The following TAC1 variants were observed in gnomAD, a reference collection of about 807,000 sequenced individuals.
TAC1 encodes protachykinin-1.
A neutral mutation model predicts 21.7 loss-of-function variants in TAC1; 12 were observed. That is an observed-to-expected ratio of 0.55 (90% confidence interval 0.35 to 0.89). TAC1 has a LOEUF of 0.89. TAC1 is among the 40% of genes least tolerant of loss of function. TAC1 has a pLI of 0.01. For missense variants in TAC1, 128 were observed against 151.4 expected, an observed-to-expected ratio of 0.85 and a Z score of 0.81; for synonymous variants, 52 against 52.0, an observed-to-expected ratio of 1.00 and a Z score of 0.00.
In TAC1 at chr7:97,733,773, A is replaced by T; in HGVS notation, c.174A>T (p.Arg58Ser). The T allele has an allele frequency of 6.2e-7, 1 of 1,613,990 alleles. No homozygotes were observed. The change falls in exon 3 of 7, where the codon AGA (arginine) becomes AGT (serine). Residue 58 changes from arginine to serine, a missense_variant. Arg to Ser is a moderately radical substitution (Grantham distance 110). Transcript: ENST00000319273. ...ATCTTCTGCAGAGAATCGCCCGGAG[A>T]CCCAAGCCTCAGCAGTTCTTTGGAT... ...FEHLLQRIAR[R>S]PKPQQFFGLM...
chr7:97,736,623 T>C (rs1472436946), intron 6 of TAC1, among the ~76,000 whole-genome samples: 3 of 152,116 alleles, frequency 2.0e-5, no homozygotes, highest in Admixed American at 2.0e-4. Context: ...GGGTTAGTGC[T>C]ATATTCTTTC....
intron 4 of TAC1, 103 bp from the exon 5 acceptor site, chr7:97,734,723 A>G: frequency 2.3e-6 from 2 of 886,152 alleles, no homozygotes. Context: ...ATATAGATAG[A>G]AAATGTTACA....
intron 5 of TAC1, 115 bp from the exon 6 acceptor site, chr7:97,736,184 G>T: frequency 1.3e-6 from 1 of 764,912 alleles, no homozygotes; most frequent in Non-Finnish European, 2.0e-6. Flanking sequence ...AAAACTTGAA[G>T]TAGATAGATA....
chr7:97,740,331 T>C lies in TAC1; in HGVS notation c.*411T>C, dbSNP rs1789681504. On this transcript the variant is annotated 3_prime_UTR_variant, in exon 7 of 7. Transcript: ENST00000319273. ...ACTGAGATTTTGGTATTACACTGTA[T>C]TTGTATCTCTGAAGCATGTTTCATG... The C allele has an allele frequency of 6.5e-6, 1 of 154,604 alleles. No individual in the cohort carries two copies. The highest frequency in any genetic ancestry group is 1.4e-5 in the Non-Finnish European group (1 of 69,552). 9.6% of individuals were successfully genotyped at this position (154,604 alleles called of 1,614,324 possible). A position where few individuals can be genotyped will look rare whatever the true frequency, so the allele number is the denominator to read the frequency against.
chr7:97,735,577 G>C lies in TAC1; in HGVS notation c.290-722G>C, dbSNP rs138697446. On this transcript the variant is annotated intron_variant, in intron 5 of 6. Transcript: ENST00000319273. ...CATGGATTTGGTTCATTGGGTGGCA[G>C]AGCAGGCCACATTAACGTAGCAGCT... Among the ~76,000 whole-genome samples the C allele has an allele frequency of 2.6e-3, 401 of 152,258 alleles. 2 individuals are homozygous for C. The South Asian group carries it at 0.03, about 11-fold the overall frequency.
At chr7:97,736,538 G>GTC (rs1789578378) in intron 6 of TAC1, among the ~76,000 whole-genome samples, 186 bp downstream of exon 6, 1 of 152,014 alleles carries the variant, frequency 6.6e-6, no homozygotes, top group African/African-American at 2.4e-5. Context: ...TACTACCACA[G>GTC]TATCTGTCTA....
chr7:97,732,992 A>ATACGGAG lies in TAC1; in HGVS notation c.123+257_123+258insTACGGAG. On this transcript the variant is annotated intron_variant, in intron 2 of 6. Coordinates refer to ENST00000319273, the MANE Select transcript of TAC1 (RefSeq NM_003182.3). The surrounding 1 kb of genome is among the most constrained non-coding windows in gnomAD (Gnocchi z 6.2). ...TGCAGTAGGGATGCCCTCCCGGATG[A>ATACGGAG]GCCCGAGATCCTCACAAGGCGGGAA... 1 of 380,062 alleles carries ATACGGAG rather than the reference A, an allele frequency of 2.6e-6. No homozygotes were observed. The highest frequency in any genetic ancestry group is 4.8e-6 in the Non-Finnish European group (1 of 209,798). The allele number at this position is 380,062 out of a possible 1,614,324, so 23.5% of individuals were successfully genotyped here.
intron 5 of TAC1, 151 bp downstream of exon 5, chr7:97,735,000 A>G: frequency 3.4e-6 from 2 of 596,476 alleles, no homozygotes; most frequent in South Asian, 5.3e-5. Context: ...TTCATATTAC[A>G]TCCAGAATAT....
At chr7:97,738,417 T>C (rs1789623451) in intron 6 of TAC1, among the ~76,000 whole-genome samples, 1 of 152,046 alleles carries the variant, frequency 6.6e-6, no homozygotes, top group South Asian at 2.1e-4. Flanking sequence ...TCACTGTCTG[T>C]CTTTAGTTGG....
rs1373923746 is a variant in TAC1 at position 97,732,158 on chromosome 7, C to T, written c.-47C>T. ...AGCGACCAGCGTGCGCTCGGAGGAA[C>T]CAGAGAAACTCAGCACCCCGCGGGA... is the stretch of plus-strand genomic sequence containing the variant. On this transcript the variant is annotated 5_prime_UTR_variant, in exon 1 of 7. Transcript: ENST00000319273. The surrounding 1 kb of genome is among the most constrained non-coding windows in gnomAD (Gnocchi z 6.2). 1 of 152,660 alleles carries T rather than the reference C, an allele frequency of 6.6e-6. No homozygotes were observed. The highest frequency in any genetic ancestry group is 1.9e-4 in the East Asian group (1 of 5,204). The allele number at this position is 152,660 out of a possible 1,614,324, so 9.5% of individuals were successfully genotyped here. A position where few individuals can be genotyped will look rare whatever the true frequency, so the allele number is the denominator to read the frequency against.
At position 97,732,981 on chromosome 7, in the gene TAC1, C is replaced by CACGG; in HGVS notation, c.123+246_123+247insACGG. On this transcript the variant is annotated intron_variant, in intron 2 of 6. Coordinates refer to ENST00000319273, the MANE Select transcript of TAC1 (RefSeq NM_003182.3). This position sits in a 1 kb window ranked among gnomAD's most constrained non-coding sequence, Gnocchi z 6.2. Reference sequence around the variant, plus strand: ...CAGGAACTCCCTGCAGTAGGGATGCCCTCCCGGATGAGCCCGAGATCCTCA... The same window carrying CACGG: ...CAGGAACTCCCTGCAGTAGGGATGCCACGGCTCCCGGATGAGCCCGAGATCCTCA... 2.5e-6 allele frequency: 1 copy of CACGG among 398,296 alleles called. No individual in the cohort carries two copies. Among genetic ancestry groups the CACGG allele is most frequent in the Non-Finnish European group, 4.5e-6 (1 of 222,974 alleles). The allele number at this position is 398,296 out of a possible 1,614,324, so 24.7% of individuals were successfully genotyped here.
Position 97,732,847 on chromosome 7 carries a change from A to T in TAC1, c.123+112A>T. The T allele has an allele frequency of 2.1e-6, 3 of 1,396,180 alleles. No homozygotes were observed. The highest frequency in any genetic ancestry group is 2.9e-6 in the Non-Finnish European group (3 of 1,036,736). The allele number at this position is 1,396,180 out of a possible 1,614,324, so 86.5% of individuals were successfully genotyped here. ...TGGCACGCACCGCCACCACGGAAAG[A>T]GGCAGCGGTTGCGTGCGAGAGGATG... is the stretch of plus-strand genomic sequence containing the variant. On this transcript the variant is annotated intron_variant, in intron 2 of 6. Coordinates refer to ENST00000319273, the MANE Select transcript of TAC1 (RefSeq NM_003182.3). This position sits in a 1 kb window ranked among gnomAD's most constrained non-coding sequence, Gnocchi z 6.2.
chr7:97,738,424 T>C (rs1377628297), intron 6 of TAC1, among the ~76,000 whole-genome samples: 1 of 152,060 alleles, frequency 6.6e-6, no homozygotes, highest in African/African-American at 2.4e-5. Context: ...CTGTCTTTAG[T>C]TGGTTTACAT....
chr7:97,734,260 A>G lies in TAC1; in HGVS notation c.233A>G (p.Glu78Gly), dbSNP rs1289818428. Reference sequence around the variant, plus strand: ...CGTCTCTTGTCAGATTCCTCAATTGAAAAACAAGTGGCCCTGTTAAAGGCT... The same window carrying G: ...CGTCTCTTGTCAGATTCCTCAATTGGAAAACAAGTGGCCCTGTTAAAGGCT... The part of the protein sequence containing the change: ...MGKRDADSSI[E>G]KQVALLKALY... The change falls in exon 4 of 7, where the codon GAA becomes GGA. Residue 78 changes from glutamate (E) to glycine (G), a missense_variant. Transcript: ENST00000319273. 5 of 1,613,890 alleles carry G rather than the reference A, an allele frequency of 3.1e-6. No individual in the cohort carries two copies. The African/African-American group carries it at 5.3e-5, about 17-fold the overall frequency.
Position 97,732,723 on chromosome 7 carries a change from C to T in TAC1, c.111C>T (p.Ser37=), listed in dbSNP as rs534052563. The change falls in exon 2 of 7, where the codon AGC becomes AGT. Residue 37 remains serine, a synonymous_variant. Transcript: ENST00000319273. The surrounding 1 kb of genome is among the most constrained non-coding windows in gnomAD (Gnocchi z 6.2). ...DLNYWSDWYD[S]DQIKEELPEP... is the part of the protein sequence containing the mutation. ...ATTACTGGTCCGACTGGTACGACAGCGACCAGATCAAGGTGAGGCCCCTTC... is the reference window on the plus strand; with the variant it reads ...ATTACTGGTCCGACTGGTACGACAGTGACCAGATCAAGGTGAGGCCCCTTC... 6 of 1,613,668 alleles carry T rather than the reference C, an allele frequency of 3.7e-6. No homozygotes were observed. Among genetic ancestry groups the T allele is most frequent in the Non-Finnish European group, 4.2e-6 (5 of 1,179,968 alleles).
chr7:97,734,999 C>A, intron 5 of TAC1, 150 bp downstream of exon 5: 2 of 600,586 alleles, frequency 3.3e-6, no homozygotes, highest in Non-Finnish European at 5.8e-6. Context: ...ATTCATATTA[C>A]ATCCAGAATA....
In TAC1 at chr7:97,739,992, C is replaced by T; in HGVS notation, c.*72C>T. 2.0e-6 allele frequency: 2 copies of T among 1,012,332 alleles called. No homozygotes were observed. The highest frequency in any genetic ancestry group is 2.6e-5 in the East Asian group (1 of 38,758). The allele number at this position is 1,012,332 out of a possible 1,614,324, so 62.7% of individuals were successfully genotyped here. On this transcript the variant is annotated 3_prime_UTR_variant, in exon 7 of 7. Coordinates refer to ENST00000319273, the MANE Select transcript of TAC1 (RefSeq NM_003182.3). ...AATGACAGGTAAATTAAGACATGCA[C>T]TATGAGGAATAATTATTTATTTAAT...
rs533035697 is a variant in TAC1 at position 97,733,659 on chromosome 7, C to G, written c.124-64C>G. The stretch of plus-strand genomic sequence containing the variant: ...CCGGAGTACAGCGGGGGGAAGGGCT[C>G]GGGTTGCTGGGTGCCTCGCTCTGGT... On this transcript the variant is annotated intron_variant, in intron 2 of 6. Transcript: ENST00000319273. 7.2e-6 allele frequency: 11 copies of G among 1,532,744 alleles called. No individual in the cohort carries two copies. In the African/African-American group the frequency reaches 8.2e-5, roughly 11 times the overall value. The allele number at this position is 1,532,744 out of a possible 1,614,324, so 94.9% of individuals were successfully genotyped here.
intron 5 of TAC1, among the ~76,000 whole-genome samples, chr7:97,735,824 A>G (rs1789564647): frequency 6.6e-6 from 1 of 152,194 alleles, no homozygotes; most frequent in Non-Finnish European, 1.5e-5. Context: ...ATCTTTTAAT[A>G]TCCAATAAAA....
Sources: gnomAD v4.1 joint callset for allele counts (sites outside exome capture counted in the v4.1 genomes callset) on GRCh38, gnomAD v4.1.1 for gene constraint, Gnocchi (gnomAD v3.1) non-coding constraint, MANE v1.5 for transcripts, NCBI Gene and HGNC (gene_info 2026-07-23, HGNC 2026-07-21) for gene names.